The following NSUN6 variants were observed in gnomAD, a reference collection of about 807,000 sequenced individuals.
NSUN6 encodes tRNA (cytosine(72)-C(5))-methyltransferase NSUN6.
In NSUN6, 64 loss-of-function variants were observed where a neutral mutation model predicts 58.0. The ratio of observed to expected loss-of-function variants is 1.10; its 90% CI spans 0.90 to 1.36. The LOEUF (loss-of-function observed/expected upper bound fraction) is 1.36. NSUN6 is among the 40% of genes most tolerant of loss of function. The pLI, the probability that NSUN6 is intolerant of heterozygous loss-of-function variation, is 0.00. For missense variants in NSUN6, 701 were observed against 550.1 expected, an observed-to-expected ratio of 1.27 and a Z score of -2.74; for synonymous variants, 231 against 193.9, an observed-to-expected ratio of 1.19 and a Z score of -1.59.
chr10:18,579,891 A>G (rs2056830328), intron 8 of NSUN6, among the ~76,000 whole-genome samples: 1 of 152,170 alleles, frequency 6.6e-6, no homozygotes, highest in South Asian at 2.1e-4. Flanking sequence ...GTCTCAGGTG[A>G]GCAGAGGGAT....
chr10:18,575,232 T>C (rs1332433027), intron 8 of NSUN6, among the ~76,000 whole-genome samples: 3 of 152,122 alleles, frequency 2.0e-5, no homozygotes, highest in Admixed American at 2.0e-4. Context: ...GCCAAACAGG[T>C]TATAAATAGT....
intron 8 of NSUN6, among the ~76,000 whole-genome samples, chr10:18,579,179 T>A (rs983319989): frequency 2.6e-5 from 4 of 152,298 alleles, no homozygotes; most frequent in Admixed American, 6.5e-5. Context: ...TTTTTATTAC[T>A]ATTTTTTTTT....
At chr10:18,658,988 AAC>A (rs986058733), upstream of NSUN6, among the ~76,000 whole-genome samples, 1 of 152,236 alleles carries the variant, frequency 6.6e-6, no homozygotes, top group African/African-American at 2.4e-5. Context: ...TCAGGAAAGA[AAC>A]ACTCTTCACT....
Position 18,621,948 on chromosome 10 carries a change from T to G in NSUN6, c.312-5655A>C, listed in dbSNP as rs1020685674. ...TTCTTTGCAGCAGGACTGCCACCTT[T>G]ATTTAATCAGTAGTCCTTGTGCAAC... On this transcript the variant is annotated intron_variant, in intron 3 of 10. Transcript: ENST00000377304. Among the ~76,000 whole-genome samples, 13 of 152,314 alleles carry G rather than the reference T, an allele frequency of 8.5e-5. 1 individual carries two copies. The highest frequency in any genetic ancestry group is 2.6e-4 in the Admixed American group (4 of 15,298).
upstream of NSUN6, among the ~76,000 whole-genome samples, chr10:18,655,581 A>G (rs2059768180): frequency 6.6e-6 from 1 of 152,174 alleles, no homozygotes; most frequent in African/African-American, 2.4e-5. Context: ...CAACTTTTCT[A>G]TCTAAGGGAG....
At chr10:18,594,746 C>T (rs1362392123) in intron 7 of NSUN6, among the ~76,000 whole-genome samples, 2 of 152,174 alleles carry the variant, frequency 1.3e-5, no homozygotes, top group African/African-American at 4.8e-5. Flanking sequence ...TGCTGCCCCA[C>T]TGTGGCTGAC....
chr10:18,550,783 G>A (rs1419273739), intron 9 of NSUN6, among the ~76,000 whole-genome samples: 1 of 149,602 alleles, frequency 6.7e-6, no homozygotes, highest in Non-Finnish European at 1.5e-5. Flanking sequence ...GGAGTGCAGT[G>A]GCATGACTTC....
chr10:18,603,641 G>T lies in NSUN6; in HGVS notation c.657+6204C>A, dbSNP rs930159697. Among the ~76,000 whole-genome samples the T allele has an allele frequency of 2.0e-5, 3 of 151,408 alleles. No homozygotes were observed. The South Asian group carries it at 6.3e-4, about 32-fold the overall frequency. On this transcript the variant is annotated intron_variant, in intron 6 of 10. Coordinates refer to ENST00000377304, the MANE Select transcript of NSUN6 (RefSeq NM_182543.5). Reference sequence around the variant, plus strand: ...ACCGCCACCATGCCCAGCTGATTTTGTGTGTGTGTATTTTTAGTAGAGACA... The same window carrying T: ...ACCGCCACCATGCCCAGCTGATTTTTTGTGTGTGTATTTTTAGTAGAGACA...
At chr10:18,636,430 G>A (rs2059216605) in intron 3 of NSUN6, among the ~76,000 whole-genome samples, 1 of 150,992 alleles carries the variant, frequency 6.6e-6, no homozygotes, top group African/African-American at 2.4e-5. Context: ...GGAGGCCAAG[G>A]AGGGTGGATC....
At chr10:18,555,804 A>G (rs1008304083) in intron 8 of NSUN6, among the ~76,000 whole-genome samples, 1 of 149,522 alleles carries the variant, frequency 6.7e-6, no homozygotes, top group Non-Finnish European at 1.5e-5. Context: ...GGAAAGGAGG[A>G]TGGAATGGAA....
intron 8 of NSUN6, among the ~76,000 whole-genome samples, chr10:18,567,197 A>G (rs898606854): frequency 4.7e-5 from 7 of 148,142 alleles, no homozygotes; most frequent in Non-Finnish European, 1.0e-4. Flanking sequence ...CTTCCAGCCT[A>G]TTCATCACTG....
chr10:18,605,575 GTT>G (rs2058020318), intron 6 of NSUN6, among the ~76,000 whole-genome samples: 1 of 152,170 alleles, frequency 6.6e-6, no homozygotes, highest in East Asian at 1.9e-4. Context: ...CTGGTTATTA[GTT>G]ATAAGGGGGA....
intron 1 of NSUN6, among the ~76,000 whole-genome samples, chr10:18,650,874 T>C (rs1026918619): frequency 6.6e-6 from 1 of 152,262 alleles, no homozygotes; most frequent in Non-Finnish European, 1.5e-5. Context: ...TGTAACCCTT[T>C]GTGCCATGCC....
intron 6 of NSUN6, among the ~76,000 whole-genome samples, chr10:18,598,676 G>C (rs566704152): frequency 1.3e-5 from 2 of 152,306 alleles, no homozygotes; most frequent in South Asian, 4.1e-4. Flanking sequence ...GTTCCCCCAA[G>C]TTGCCCAGGA....
intron 6 of NSUN6, among the ~76,000 whole-genome samples, chr10:18,603,744 T>A (rs1022209995): frequency 6.6e-6 from 1 of 152,158 alleles, no homozygotes; most frequent in East Asian, 1.9e-4. Flanking sequence ...CCCAAACTGC[T>A]GGGATTACAG....
rs1052752840 is a variant in NSUN6, at chr10:18,562,104, G to A, written c.923-10133C>T. Among the ~76,000 whole-genome samples, 62 of 149,056 alleles carry A rather than the reference G, an allele frequency of 4.2e-4. 2 individuals are homozygous for A. The highest frequency in any genetic ancestry group is 1.4e-3 in the African/African-American group (57 of 40,248). On this transcript the variant is annotated intron_variant, in intron 8 of 10. Transcript: ENST00000377304. ...AGTGGAGAATGGAGTGGAATGGAACGGAAAGTGGAGCACTGAATGGAATGG... is the reference window on the plus strand; with the variant it reads ...AGTGGAGAATGGAGTGGAATGGAACAGAAAGTGGAGCACTGAATGGAATGG...
At chr10:18,629,479 G>A (rs1186517977) in intron 3 of NSUN6, among the ~76,000 whole-genome samples, 5 of 149,136 alleles carry the variant, frequency 3.4e-5, no homozygotes, top group African/African-American at 1.2e-4. Flanking sequence ...AAAGAGTCAA[G>A]ACCCATCAGT....
intron 3 of NSUN6, among the ~76,000 whole-genome samples, chr10:18,617,389 T>G (rs942278212): frequency 1.3e-5 from 2 of 152,070 alleles, no homozygotes; most frequent in Non-Finnish European, 2.9e-5. Context: ...GGTTTCACCA[T>G]GTTGGCCAGG....
At chr10:18,583,001 A>G (rs570083723) in intron 8 of NSUN6, among the ~76,000 whole-genome samples, 1 of 152,324 alleles carries the variant, frequency 6.6e-6, no homozygotes, top group African/African-American at 2.4e-5. Flanking sequence ...TGACCTGCAC[A>G]TACACATCCA....
Sources: gnomAD v4.1 joint callset for allele counts (sites outside exome capture counted in the v4.1 genomes callset) on GRCh38, gnomAD v4.1.1 for gene constraint, MANE v1.5 for transcripts, NCBI Gene and HGNC (gene_info 2026-07-23, HGNC 2026-07-21) for gene names.